The following NRXN1 variants were observed in gnomAD, a reference collection of about 807,000 sequenced individuals.
The protein encoded by NRXN1 is neurexin-1.
In NRXN1, 39 loss-of-function variants were observed where a neutral mutation model predicts 150.9. That is an observed-to-expected ratio of 0.26 (90% CI 0.20 to 0.34). NRXN1 has a LOEUF of 0.34. Ranked by LOEUF, NRXN1 falls within the 10% of genes least tolerant of loss-of-function variation. NRXN1 has a pLI of 1.00. For missense variants in NRXN1, 1,815 were observed against 1,949.9 expected, an observed-to-expected ratio of 0.93 and a Z score of 1.30; for synonymous variants, 924 against 757.0, an observed-to-expected ratio of 1.22 and a Z score of -3.62.
chr2:51,004,087 G>A (rs1700404230), intron 2 of NRXN1, among the ~76,000 whole-genome samples: 1 of 150,952 alleles, frequency 6.6e-6, no homozygotes, highest in Non-Finnish European at 1.5e-5. Context: ...AAAAAACTTA[G>A]AAGACATTGA....
At chr2:50,220,374 C>T (rs1257858623) in intron 18 of NRXN1, among the ~76,000 whole-genome samples, 1 of 151,732 alleles carries the variant, frequency 6.6e-6, no homozygotes, top group African/African-American at 2.4e-5. Flanking sequence ...TAAAACAGAT[C>T]CTAGTTGATG....
At chr2:50,967,294 TACA>T (rs922946973) in intron 2 of NRXN1, among the ~76,000 whole-genome samples, 1 of 151,986 alleles carries the variant, frequency 6.6e-6, no homozygotes, top group Non-Finnish European at 1.5e-5. Context: ...ATTTTATAAC[TACA>T]TTTATCTAAG....
At chr2:50,454,012 C>A (rs145671248) in intron 17 of NRXN1, among the ~76,000 whole-genome samples, 242 of 152,196 alleles carry the variant, frequency 1.6e-3, no homozygotes, top group African/African-American at 5.8e-3. Context: ...ACAAAATATC[C>A]TAGCAGTTGT....
At chr2:50,107,055 G>C (rs1006467086) in intron 18 of NRXN1, among the ~76,000 whole-genome samples, 5 of 151,896 alleles carry the variant, frequency 3.3e-5, no homozygotes, top group African/African-American at 1.2e-4. Flanking sequence ...CAATACTTAA[G>C]TTCTCCAAAT....
Position 50,646,208 on chromosome 2 carries a change from C to A in NRXN1, c.833-22593G>T, listed in dbSNP as rs1684793449. ...GCAGTTTTTGCCATTTCTTTTGCACCAACCTAATAGAAAAGAATCAGTACA... is the reference window on the plus strand; with the variant it reads ...GCAGTTTTTGCCATTTCTTTTGCACAAACCTAATAGAAAAGAATCAGTACA... On this transcript the variant is annotated intron_variant, in intron 5 of 22. Coordinates refer to ENST00000401669, the MANE Select transcript of NRXN1 (RefSeq NM_001330078.2). 2.0e-5 allele frequency among the ~76,000 whole-genome samples: 3 copies of A among 151,684 alleles called. No individual in the cohort carries two copies. The South Asian group carries it at 6.2e-4, about 32-fold the overall frequency.
At position 50,768,632 on chromosome 2, in the gene NRXN1, C is replaced by A. The variant is rs1702632354; in HGVS notation, c.833-145017G>T. ...TTTCTTACAAAAGGAAAACATTTGA[C>A]TAGGAAGTCTCTCAAGTCATTTCTT... On this transcript the variant is annotated intron_variant, in intron 5 of 22. Coordinates refer to ENST00000401669, the MANE Select transcript of NRXN1 (RefSeq NM_001330078.2). Among the ~76,000 whole-genome samples, 2 of 151,818 alleles carry A rather than the reference C, an allele frequency of 1.3e-5. 1 individual carries two copies. Among genetic ancestry groups the A allele is most frequent in the South Asian group, 4.2e-4 (2 of 4,818 alleles).
chr2:50,517,671 T>C (rs1392286315), intron 12 of NRXN1, among the ~76,000 whole-genome samples: 1 of 152,080 alleles, frequency 6.6e-6, no homozygotes, highest in South Asian at 2.1e-4. Flanking sequence ...TCATGATGCA[T>C]ACAGCCTAGT....
intron 17 of NRXN1, among the ~76,000 whole-genome samples, chr2:50,447,896 G>GC: frequency 6.6e-6 from 1 of 150,756 alleles, no homozygotes; most frequent in African/African-American, 2.4e-5. Flanking sequence ...GATGGCAGAA[G>GC]CCCCCCATGG....
chr2:50,430,402 A>G (rs114688779), intron 17 of NRXN1, among the ~76,000 whole-genome samples: 1,701 of 152,304 alleles, frequency 0.011, 34 homozygotes, highest in African/African-American at 0.039. Context: ...TGATGATGGA[A>G]ATGCTTCTTG....
intron 5 of NRXN1, among the ~76,000 whole-genome samples, chr2:50,890,951 A>C (rs538985138): frequency 6.6e-6 from 1 of 152,122 alleles, no homozygotes; most frequent in East Asian, 1.9e-4. Flanking sequence ...TTAATGCCTT[A>C]ACCAAATAAT....
At chr2:50,558,619 T>G (rs755025668) in intron 8 of NRXN1, among the ~76,000 whole-genome samples, 20 of 152,218 alleles carry the variant, frequency 1.3e-4, no homozygotes, top group African/African-American at 3.9e-4. Context: ...GATATTGTAG[T>G]TTTTCAACAG....
intron 5 of NRXN1, among the ~76,000 whole-genome samples, chr2:50,679,589 A>T (rs998220911): frequency 2.6e-5 from 4 of 152,156 alleles, no homozygotes; most frequent in African/African-American, 9.7e-5. Context: ...ATTGACATGG[A>T]TCATTGATGA....
intron 5 of NRXN1, among the ~76,000 whole-genome samples, chr2:50,703,702 G>C (rs1210179312): frequency 6.6e-6 from 1 of 152,126 alleles, no homozygotes; most frequent in Admixed American, 6.5e-5. Context: ...GCAATAATGA[G>C]GAACGGTTAA....
chr2:50,320,578 T>C (rs1288621874), intron 17 of NRXN1, among the ~76,000 whole-genome samples: 1 of 151,494 alleles, frequency 6.6e-6, no homozygotes, highest in Non-Finnish European at 1.5e-5. Context: ...GCAGGAGTCA[T>C]AAAGGCTTCC....
At chr2:51,002,931 A>G (rs2105107658) in intron 2 of NRXN1, among the ~76,000 whole-genome samples, 1 of 152,020 alleles carries the variant, frequency 6.6e-6, no homozygotes, top group East Asian at 2.0e-4. Context: ...AACATTTTCA[A>G]AGGTATTTTC....
At chr2:50,545,903 T>G (rs1456768636) in intron 9 of NRXN1, among the ~76,000 whole-genome samples, 2 of 152,164 alleles carry the variant, frequency 1.3e-5, no homozygotes, top group Non-Finnish European at 2.9e-5. Flanking sequence ...TCTAAACTAC[T>G]TATATCTAAT....
At chr2:50,341,394 T>A (rs2077538174) in intron 17 of NRXN1, among the ~76,000 whole-genome samples, 1 of 136,676 alleles carries the variant, frequency 7.3e-6, no homozygotes, top group Non-Finnish European at 1.6e-5. Flanking sequence ...TTTAAGTATT[T>A]CTTAAAAAAA....
intron 15 of NRXN1, among the ~76,000 whole-genome samples, chr2:50,473,616 C>T (rs951334893): frequency 6.6e-6 from 1 of 151,890 alleles, no homozygotes; most frequent in Admixed American, 6.6e-5. Context: ...TCATGTTAAC[C>T]ATTCTATTCA....
intron 21 of NRXN1, among the ~76,000 whole-genome samples, chr2:49,987,829 C>A (rs1203083800): frequency 1.3e-5 from 2 of 150,556 alleles, no homozygotes; most frequent in African/African-American, 4.9e-5. Context: ...TATTATTATA[C>A]ATTTTTTTCC....
Sources: allele counts gnomAD v4.1 joint callset (sites outside exome capture counted in the v4.1 genomes callset), GRCh38; gene constraint gnomAD v4.1.1; transcripts MANE v1.5; gene names NCBI Gene and HGNC (gene_info 2026-07-23, HGNC 2026-07-21).